AKAP10: variants seen among roughly 807,000 people sequenced by gnomAD.
The protein encoded by AKAP10 is A-kinase anchor protein 10, mitochondrial.
A neutral mutation model predicts 80.8 loss-of-function variants in AKAP10; 24 were observed. That is an observed-to-expected ratio of 0.30 (90% CI 0.22 to 0.42). The LOEUF is 0.42. Ranked by LOEUF, AKAP10 falls within the 10% of genes least tolerant of loss-of-function variation. The pLI, the probability that AKAP10 is intolerant of heterozygous loss-of-function variation, is 1.00. For missense variants in AKAP10, 661 were observed against 794.9 expected, an observed-to-expected ratio of 0.83 and a Z score of 2.03; for synonymous variants, 291 against 277.7, an observed-to-expected ratio of 1.05 and a Z score of -0.48.
intron 4 of AKAP10, among the ~76,000 whole-genome samples, chr17:19,955,352 T>C (rs1044979659): frequency 6.6e-6 from 1 of 152,204 alleles, no homozygotes; most frequent in African/African-American, 2.4e-5. Flanking sequence ...TTCTTTACCC[T>C]TATAGTGGTG....
chr17:19,972,755 A>T (rs943718775), intron 1 of AKAP10, among the ~76,000 whole-genome samples: 1 of 152,160 alleles, frequency 6.6e-6, no homozygotes, highest in Non-Finnish European at 1.5e-5. Flanking sequence ...GCGCTTGGCG[A>T]AAGTTTTAAG....
intron 4 of AKAP10, among the ~76,000 whole-genome samples, chr17:19,951,700 G>A (rs1209477697): frequency 7.9e-5 from 12 of 152,048 alleles, no homozygotes; most frequent in Non-Finnish European, 1.3e-4. Flanking sequence ...AAGGCAGCAT[G>A]CTCGTTAAGA....
intron 4 of AKAP10, among the ~76,000 whole-genome samples, chr17:19,953,393 T>C (rs1354199708): frequency 2.0e-5 from 3 of 146,760 alleles, no homozygotes; most frequent in Non-Finnish European, 4.5e-5. Flanking sequence ...GCAGAAATAA[T>C]AGAAAAGAAA....
At chr17:19,914,342 T>C (rs2042721755) in intron 12 of AKAP10, among the ~76,000 whole-genome samples, 1 of 152,050 alleles carries the variant, frequency 6.6e-6, no homozygotes, top group South Asian at 2.1e-4. Flanking sequence ...ATGAACAAGA[T>C]AATTTTAGAC....
chr17:19,923,613 G>A (rs1208841219), intron 11 of AKAP10, among the ~76,000 whole-genome samples: 1 of 151,752 alleles, frequency 6.6e-6, no homozygotes, highest in Non-Finnish European at 1.5e-5. Flanking sequence ...TGCAAGCTCC[G>A]CCTCCCGGGC....
intron 10 of AKAP10, among the ~76,000 whole-genome samples, chr17:19,928,023 C>T (rs1297155939): frequency 6.6e-6 from 1 of 152,112 alleles, no homozygotes; most frequent in African/African-American, 2.4e-5. Context: ...AGTTTGTGAC[C>T]AGCCTGGCTA....
chr17:19,936,510 T>C, intron 8 of AKAP10, 80 bp from the exon 9 acceptor site: 1 of 1,371,894 alleles, frequency 7.3e-7, no homozygotes, highest in East Asian at 2.4e-5. Context: ...CCAGAGAATC[T>C]TATACAAGGC....
At chr17:19,951,139 G>A (rs1462044731) in intron 4 of AKAP10, among the ~76,000 whole-genome samples, 1 of 97,262 alleles carries the variant, frequency 1.0e-5, no homozygotes, top group African/African-American at 3.4e-5. Flanking sequence ...GAGGGAGGTG[G>A]GGGGCAGCCC....
At chr17:19,909,671 G>A (rs1412162596) in intron 13 of AKAP10, among the ~76,000 whole-genome samples, 9 of 152,168 alleles carry the variant, frequency 5.9e-5, no homozygotes, top group Non-Finnish European at 1.3e-4. Flanking sequence ...ATGCCTGCTG[G>A]CTGATGGAAA....
chr17:19,968,573 C>T (rs2043453781), intron 1 of AKAP10, 112 bp from the exon 2 acceptor site: 1 of 879,864 alleles, frequency 1.1e-6, no homozygotes, highest in East Asian at 2.5e-5. Context: ...AGTTCTAGAA[C>T]AATGGACAGC....
intron 5 of AKAP10, chr17:19,947,196 T>G: frequency 1.9e-6 from 1 of 524,550 alleles, no homozygotes; most frequent in Non-Finnish European, 3.4e-6. Flanking sequence ...CTGCAGCCCA[T>G]CTGGCCCAGG....
intron 12 of AKAP10, 64 bp downstream of exon 12, chr17:19,919,972 T>G: frequency 2.9e-6 from 4 of 1,396,662 alleles, no homozygotes; most frequent in Non-Finnish European, 4.0e-6. Flanking sequence ...TAAGTGGTCT[T>G]TGACTTACAG....
At chr17:19,935,793 C>T (rs1315848137) in intron 9 of AKAP10, among the ~76,000 whole-genome samples, 1 of 152,052 alleles carries the variant, frequency 6.6e-6, no homozygotes, top group Non-Finnish European at 1.5e-5. Context: ...GATAACAATG[C>T]CTCCTTCTGG....
chr17:19,919,890 G>C (rs1473031967), intron 12 of AKAP10, 146 bp downstream of exon 12: 1 of 602,692 alleles, frequency 1.7e-6, no homozygotes, highest in East Asian at 3.0e-5. Flanking sequence ...GGAAGCCCTT[G>C]TACTTACTTC....
chr17:19,939,835 C>T lies in AKAP10; in HGVS notation c.1200G>A (p.Glu400=). Residue 400 remains glutamate (E), a synonymous_variant, in exon 8 of 15, where the codon GAG becomes GAA. Transcript: ENST00000225737. ...LFYFSEYMEK[E]DAVNILQFWL... The stretch of plus-strand genomic sequence containing the variant: ...AGAATTGTAAGATATTCACTGCATC[C>T]TCTTTTTCCATGTACTAGGAAGAAA... 1.2e-6 allele frequency: 2 copies of T among 1,613,420 alleles called. No individual in the cohort carries two copies. Among genetic ancestry groups the T allele is most frequent in the Non-Finnish European group, 1.7e-6 (2 of 1,179,862 alleles).
chr17:19,938,709 T>C lies in AKAP10; in HGVS notation c.1322+1004A>G, dbSNP rs138665802. Among the ~76,000 whole-genome samples, 400 of 151,792 alleles carry C rather than the reference T, an allele frequency of 2.6e-3. 1 individual carries two copies. The highest frequency in any genetic ancestry group is 9.1e-3 in the African/African-American group (378 of 41,396). ...TACCCCTTTAGCATTTGCTTAAGGATACAAATAACAAATTACCTTTGTTGT... is the reference window on the plus strand; with the variant it reads ...TACCCCTTTAGCATTTGCTTAAGGACACAAATAACAAATTACCTTTGTTGT... On this transcript the variant is annotated intron_variant, in intron 8 of 14. Transcript: ENST00000225737.
chr17:19,961,159 T>C (rs2043344425), intron 3 of AKAP10, among the ~76,000 whole-genome samples: 2 of 134,944 alleles, frequency 1.5e-5, no homozygotes, highest in Non-Finnish European at 3.1e-5. Context: ...CTGGGAAACA[T>C]GGCGAAACCC....
chr17:19,924,687 C>T (rs2042857088), intron 10 of AKAP10, among the ~76,000 whole-genome samples, 170 bp from the exon 11 acceptor site: 1 of 152,180 alleles, frequency 6.6e-6, no homozygotes, highest in Non-Finnish European at 1.5e-5. Context: ...TAACCTCATA[C>T]TATAGCTAAA....
intron 5 of AKAP10, among the ~76,000 whole-genome samples, chr17:19,944,951 CT>C (rs2043087734): frequency 6.6e-6 from 1 of 152,154 alleles, no homozygotes; most frequent in Non-Finnish European, 1.5e-5. Context: ...GTGAAGGCTC[CT>C]TTGAACAAAA....
Sources: allele counts gnomAD v4.1 joint callset (sites outside exome capture counted in the v4.1 genomes callset), GRCh38; gene constraint gnomAD v4.1.1; transcripts MANE v1.5; gene names NCBI Gene and HGNC (gene_info 2026-07-23, HGNC 2026-07-21).